The following TMC5 variants were observed in gnomAD, a reference collection of about 807,000 sequenced individuals.
TMC5 encodes the protein transmembrane channel like 5.
TMC5 carries 86 observed loss-of-function variants against 110.5 expected under a neutral mutation model. That is an observed-to-expected ratio of 0.78 (90% CI 0.65 to 0.93). The LOEUF (loss-of-function observed/expected upper bound fraction) is 0.93. Ranked by LOEUF, TMC5 falls within the 40% of genes least tolerant of loss-of-function variation. The pLI is 0.00. For synonymous variants in TMC5, 455 were observed against 439.5 expected (o/e 1.04, Z -0.44); for missense variants, 1,144 against 1,222.8 (o/e 0.94, Z 0.96).
Position 19,473,472 on chromosome 16 carries a change from T to G in TMC5, c.1939-653T>G, listed in dbSNP as rs185257277. On this transcript the variant is annotated intron_variant, in intron 11 of 21. Coordinates refer to ENST00000542583, the MANE Select transcript of TMC5 (RefSeq NM_001261841.2). ...TGGTGAAAATGAACAAGGCCACTTA[T>G]GCTAAACAGGAGGGAGCACATCCTC... is the stretch of plus-strand genomic sequence containing the variant. Among the ~76,000 whole-genome samples, 22 of 149,640 alleles carry G rather than the reference T, an allele frequency of 1.5e-4. No homozygotes were observed. In the East Asian group the frequency reaches 4.0e-3, roughly 27 times the overall value.
intron 11 of TMC5, among the ~76,000 whole-genome samples, chr16:19,473,282 G>T (rs1457402056): frequency 1.2e-4 from 17 of 143,868 alleles, no homozygotes; most frequent in Non-Finnish European, 2.1e-4. Context: ...GGAGGCAGAG[G>T]TTGCAGTGAG....
chr16:19,456,766 G>T (rs756960549), intron 5 of TMC5: 36 of 1,613,886 alleles, frequency 2.2e-5, no homozygotes, highest in Non-Finnish European at 3.1e-5. Flanking sequence ...TTTCCTCTGG[G>T]GTCCAAAGCC....
chr16:19,458,626 G>C (rs1470538403), intron 5 of TMC5, among the ~76,000 whole-genome samples: 1 of 152,150 alleles, frequency 6.6e-6, no homozygotes, highest in Non-Finnish European at 1.5e-5. Flanking sequence ...GCATTTAGTA[G>C]GTTTAGCCCC....
intron 5 of TMC5, 126 bp downstream of exon 5, chr16:19,449,757 C>T: frequency 2.6e-6 from 2 of 780,854 alleles, no homozygotes; most frequent in Non-Finnish European, 4.4e-6. Flanking sequence ...CCATGCTGTT[C>T]TCATGATATT....
chr16:19,430,708 C>T (rs879519871), intron 2 of TMC5, 68 bp downstream of exon 2: 3 of 152,008 alleles, frequency 2.0e-5, no homozygotes, highest in Admixed American at 2.0e-4. Flanking sequence ...TGGGGTCTCC[C>T]TCTCTTTTTT....
chr16:19,451,536 A>G (rs975816658), intron 5 of TMC5, among the ~76,000 whole-genome samples: 1 of 152,126 alleles, frequency 6.6e-6, no homozygotes, highest in Non-Finnish European at 1.5e-5. Context: ...ATAGAAAAAA[A>G]CACACTCAGA....
intron 5 of TMC5, among the ~76,000 whole-genome samples, chr16:19,458,842 T>C (rs1456588319): frequency 1.3e-5 from 2 of 152,096 alleles, no homozygotes; most frequent in Admixed American, 6.6e-5. Flanking sequence ...ACGATGAACA[T>C]TGTATTTCCC....
At chr16:19,450,652 C>T (rs1399696532) in intron 5 of TMC5, among the ~76,000 whole-genome samples, 1 of 152,158 alleles carries the variant, frequency 6.6e-6, no homozygotes, top group Non-Finnish European at 1.5e-5. Flanking sequence ...GGAAGTCTTG[C>T]TTCCTCCCTG....
intron 13 of TMC5, among the ~76,000 whole-genome samples, chr16:19,478,661 ACCAT>A (rs1968543915): frequency 6.6e-6 from 1 of 151,862 alleles, no homozygotes; most frequent in African/African-American, 2.4e-5. Context: ...CATTTATCTA[ACCAT>A]CCATCCATTT....
intron 1 of TMC5, among the ~76,000 whole-genome samples, chr16:19,424,220 T>C (rs2353684): frequency 0.81 from 122,600 of 152,226 alleles, 49,549 homozygotes; most frequent in South Asian, 0.9. Context: ...TTTTGTGACT[T>C]TTCCACAGGT....
Position 19,481,412 on chromosome 16 carries a change from G to A in TMC5, c.2310G>A (p.Glu770=), listed in dbSNP as rs753262126. 1.4e-4 allele frequency: 229 copies of A among 1,614,050 alleles called. No homozygotes were observed. Among genetic ancestry groups the A allele is most frequent in the Non-Finnish European group, 1.8e-4 (217 of 1,180,020 alleles). ...MQLITSLGLQ[E]FDIARNVLEL... is the part of the protein sequence containing the mutation. Reference sequence around the variant, plus strand: ...TGATCACAAGTCTTGGCCTTCAGGAGTTTGACATTGCCAGGAACGTTCTAG... The same window carrying A: ...TGATCACAAGTCTTGGCCTTCAGGAATTTGACATTGCCAGGAACGTTCTAG... The change falls in exon 15 of 22, where the codon GAG becomes GAA. Residue 770 remains glutamate, a synonymous_variant. Transcript: ENST00000542583.
chr16:19,455,806 T>C (rs1015672923), intron 5 of TMC5, among the ~76,000 whole-genome samples: 1 of 152,162 alleles, frequency 6.6e-6, no homozygotes, highest in Non-Finnish European at 1.5e-5. Flanking sequence ...GATTAGAGAC[T>C]GAGAGCCAGA....
At chr16:19,448,140 AG>A (rs112264208) in intron 4 of TMC5, among the ~76,000 whole-genome samples, 10,555 of 146,830 alleles carry the variant, frequency 0.072, 798 homozygotes, top group African/African-American at 0.19. Flanking sequence ...TGTGTGACAG[AG>A]CAAGTCTCAA....
At chr16:19,452,148 C>T (rs1005945796) in intron 5 of TMC5, among the ~76,000 whole-genome samples, 10 of 152,204 alleles carry the variant, frequency 6.6e-5, no homozygotes, top group African/African-American at 2.4e-4. Flanking sequence ...ACGACCTCCT[C>T]CTTTGGTTTG....
chr16:19,424,034 G>A (rs770903650), intron 1 of TMC5, among the ~76,000 whole-genome samples: 2 of 152,080 alleles, frequency 1.3e-5, no homozygotes, highest in African/African-American at 2.4e-5. Flanking sequence ...GATTACAAGT[G>A]TTAGCCACCA....
At chr16:19,492,398 C>A (rs930250948) in intron 19 of TMC5, 170 bp downstream of exon 19, 4 of 419,232 alleles carry the variant, frequency 9.5e-6, no homozygotes, top group Non-Finnish European at 1.7e-5. Flanking sequence ...CTCTTCCCAG[C>A]AAATCCCTTA....
chr16:19,435,507 A>G (rs1967324244), intron 2 of TMC5, among the ~76,000 whole-genome samples: 1 of 152,102 alleles, frequency 6.6e-6, no homozygotes, highest in Non-Finnish European at 1.5e-5. Context: ...CCTCAAAAAA[A>G]AAAGAAAAAA....
Position 19,456,341 on chromosome 16 carries a change from T to G in TMC5, c.1049-3894T>G, listed in dbSNP as rs1967872203. ...AGAGGCACTAAATTATAAAAAAAAA[T>G]CTTGCCCTTTGACTATGAGTCATTT... On this transcript the variant is annotated intron_variant, in intron 5 of 21. Coordinates refer to ENST00000542583, the MANE Select transcript of TMC5 (RefSeq NM_001261841.2). 1.3e-5 allele frequency: 5 copies of G among 371,944 alleles called. No homozygotes were observed. The South Asian group carries it at 4.7e-4, about 35-fold the overall frequency. 23.0% of individuals were successfully genotyped at this position (371,944 alleles called of 1,614,324 possible).
At chr16:19,465,974 G>T in intron 8 of TMC5, 108 bp from the exon 9 acceptor site, 1 of 1,206,530 alleles carries the variant, frequency 8.3e-7, no homozygotes, top group Non-Finnish European at 1.1e-6. Flanking sequence ...TGTCTAAACT[G>T]ACTGGCCCAG....
Sources: gnomAD v4.1 joint callset for allele counts (sites outside exome capture counted in the v4.1 genomes callset) on GRCh38, gnomAD v4.1.1 for gene constraint, MANE v1.5 for transcripts, NCBI Gene and HGNC (gene_info 2026-07-23, HGNC 2026-07-21) for gene names.